DPYD: variants seen among roughly 807,000 people sequenced by gnomAD.
The protein encoded by DPYD is dihydropyrimidine dehydrogenase [NADP(+)].
In DPYD, 109 loss-of-function variants were observed where a neutral mutation model predicts 116.2. That is an observed-to-expected ratio of 0.94 (90% CI 0.80 to 1.10). DPYD has a LOEUF of 1.10. Ranked by LOEUF, DPYD falls within the 50% of genes least tolerant of loss-of-function variation. The probability of loss-of-function intolerance (pLI) is 0.00; values close to 1 mark genes in which losing one functional copy is unlikely to be tolerated. For synonymous variants in DPYD, 440 were observed against 432.0 expected, an observed-to-expected ratio of 1.02 and a Z score of -0.23; for missense variants, 1,302 against 1,254.5, an observed-to-expected ratio of 1.04 and a Z score of -0.57.
At chr1:97,408,141 T>C (rs907255255) in intron 14 of DPYD, among the ~76,000 whole-genome samples, 8 of 152,098 alleles carry the variant, frequency 5.3e-5, no homozygotes, top group African/African-American at 1.7e-4. Context: ...GGACTATAAA[T>C]GGCCCAGACT....
chr1:97,216,315 A>G (rs1490800217), intron 19 of DPYD, among the ~76,000 whole-genome samples: 4 of 152,124 alleles, frequency 2.6e-5, no homozygotes, highest in Non-Finnish European at 5.9e-5. Context: ...ATACTCAGAT[A>G]AAACAGAAAT....
intron 3 of DPYD, among the ~76,000 whole-genome samples, chr1:97,820,301 G>C: frequency 6.6e-6 from 1 of 152,002 alleles, no homozygotes; most frequent in Non-Finnish European, 1.5e-5. Context: ...ACACACAGAC[G>C]GGACATACCT....
chr1:97,381,707 A>G (rs904050904), intron 15 of DPYD, among the ~76,000 whole-genome samples: 5 of 152,184 alleles, frequency 3.3e-5, no homozygotes, highest in African/African-American at 1.2e-4. Flanking sequence ...TACATTACTG[A>G]GAGGTTTTCA....
Position 97,666,595 on chromosome 1 carries a change from G to T in DPYD, c.850+12500C>A, listed in dbSNP as rs543048306. Among the ~76,000 whole-genome samples, 8 of 152,160 alleles carry T rather than the reference G, an allele frequency of 5.3e-5. No homozygotes were observed. The South Asian group carries it at 1.7e-3, about 32-fold the overall frequency. ...TTTAGAAATAAAAACAGCAGCTTGT[G>T]TTAGTAATATTTAAAAAAAATAACA... On this transcript the variant is annotated intron_variant, in intron 8 of 22. Coordinates refer to ENST00000370192, the MANE Select transcript of DPYD (RefSeq NM_000110.4).
chr1:97,354,161 G>A (rs750222708), intron 16 of DPYD, among the ~76,000 whole-genome samples: 22 of 152,206 alleles, frequency 1.4e-4, no homozygotes, highest in Non-Finnish European at 2.8e-4. Context: ...TCTCAACAAA[G>A]CATGATGGGA....
chr1:97,799,640 C>T (rs1432015677), intron 3 of DPYD, among the ~76,000 whole-genome samples: 2 of 151,920 alleles, frequency 1.3e-5, no homozygotes, highest in Non-Finnish European at 2.9e-5. Flanking sequence ...TCCCATGGAG[C>T]TTTCACTGAG....
At position 97,247,645 on chromosome 1, in the gene DPYD, C is replaced by A. The variant is rs538845516; in HGVS notation, c.2300-12651G>T. On this transcript the variant is annotated intron_variant, in intron 18 of 22. Coordinates refer to ENST00000370192, the MANE Select transcript of DPYD (RefSeq NM_000110.4). The stretch of plus-strand genomic sequence containing the variant: ...CTATGTAAAGCAGGCAGCACAGTGA[C>A]AAGCACATAGTAAATGCTTTAAAAA... Among the ~76,000 whole-genome samples, 4 of 152,280 alleles carry A rather than the reference C, an allele frequency of 2.6e-5. No homozygotes were observed. The South Asian group carries it at 8.3e-4, about 32-fold the overall frequency.
chr1:97,365,713 C>T (rs889921508), intron 16 of DPYD, among the ~76,000 whole-genome samples: 8 of 152,096 alleles, frequency 5.3e-5, no homozygotes, highest in African/African-American at 1.4e-4. Flanking sequence ...CCGCAACCTC[C>T]GTCTCTCAGG....
intron 5 of DPYD, among the ~76,000 whole-genome samples, chr1:97,714,634 C>G (rs1471849605): frequency 2.0e-5 from 2 of 97,966 alleles, no homozygotes; most frequent in African/African-American, 8.1e-5. Flanking sequence ...TTCCTGGCTA[C>G]AGAAGTTAAA....
At chr1:97,495,942 T>C (rs184099131) in intron 13 of DPYD, among the ~76,000 whole-genome samples, 1 of 152,266 alleles carries the variant, frequency 6.6e-6, no homozygotes, top group East Asian at 1.9e-4. Context: ...GTTGACCTTT[T>C]CTTTCCAAAT....
At chr1:97,600,132 A>C (rs953181713) in intron 8 of DPYD, among the ~76,000 whole-genome samples, 29 of 152,136 alleles carry the variant, frequency 1.9e-4, no homozygotes, top group African/African-American at 7.0e-4. Context: ...TATTTCACAC[A>C]GGTGCTTTTT....
At chr1:97,454,500 G>C (rs1282697581) in intron 13 of DPYD, among the ~76,000 whole-genome samples, 3 of 151,856 alleles carry the variant, frequency 2.0e-5, no homozygotes, top group East Asian at 3.9e-4. Context: ...TAATAAAAAA[G>C]ACAAACTGCC....
chr1:97,189,843 A>G (rs183687657), intron 20 of DPYD, among the ~76,000 whole-genome samples: 34 of 152,302 alleles, frequency 2.2e-4, no homozygotes, highest in African/African-American at 6.5e-4. Flanking sequence ...GCAACCTGGA[A>G]TCAAACACGT....
At chr1:97,231,317 G>A (rs1467016073) in intron 19 of DPYD, among the ~76,000 whole-genome samples, 1 of 152,140 alleles carries the variant, frequency 6.6e-6, no homozygotes, top group African/African-American at 2.4e-5. Context: ...AACTCTAGAT[G>A]GGAATTCTGG....
At chr1:97,826,066 G>A (rs1489991846) in intron 3 of DPYD, among the ~76,000 whole-genome samples, 2 of 151,976 alleles carry the variant, frequency 1.3e-5, no homozygotes, top group Non-Finnish European at 2.9e-5. Flanking sequence ...TATAACTTAA[G>A]CAAACAAGTA....
chr1:97,345,320 T>C (rs1384824044), intron 16 of DPYD, among the ~76,000 whole-genome samples: 1 of 151,970 alleles, frequency 6.6e-6, no homozygotes, highest in African/African-American at 2.4e-5. Context: ...GTGTTAAAGA[T>C]GAGATGGAAT....
intron 20 of DPYD, among the ~76,000 whole-genome samples, chr1:97,185,116 A>AT (rs1657906782): frequency 6.6e-6 from 1 of 152,164 alleles, no homozygotes; most frequent in South Asian, 2.1e-4. Context: ...CTAAGGACTT[A>AT]TAACTAGAAT....
intron 11 of DPYD, among the ~76,000 whole-genome samples, chr1:97,550,505 A>C (rs1396671464): frequency 6.6e-6 from 1 of 152,184 alleles, no homozygotes; most frequent in Non-Finnish European, 1.5e-5. Context: ...TTGAAAGCAT[A>C]ATCCTGACAT....
At chr1:97,405,370 G>T (rs1012666580) in intron 14 of DPYD, among the ~76,000 whole-genome samples, 1 of 151,972 alleles carries the variant, frequency 6.6e-6, no homozygotes, top group African/African-American at 2.4e-5. Flanking sequence ...TTGCAAGGAG[G>T]TTTATTCTGA....
Sources: allele counts gnomAD v4.1 joint callset (sites outside exome capture counted in the v4.1 genomes callset), GRCh38; gene constraint gnomAD v4.1.1; transcripts MANE v1.5; gene names NCBI Gene and HGNC (gene_info 2026-07-23, HGNC 2026-07-21).